EFCAB14: variants seen among roughly 807,000 people sequenced by gnomAD.
EFCAB14 encodes EF-hand calcium binding domain 14, also known as EF-hand calcium-binding domain-containing protein 14.
EFCAB14 carries 43 observed loss-of-function variants against 56.5 expected under a neutral mutation model. The observed-to-expected ratio is 0.76, with a 90% confidence interval of 0.60 to 0.98. The LOEUF is 0.98. Ranked by LOEUF, EFCAB14 falls within the 50% of genes least tolerant of loss-of-function variation. EFCAB14 has a pLI of 0.00. For synonymous variants in EFCAB14, 235 were observed against 212.9 expected (o/e 1.10, Z -0.90); for missense variants, 538 against 580.3 (o/e 0.93, Z 0.75).
At chr1:46,688,763 G>T (rs1676930711) in intron 6 of EFCAB14, among the ~76,000 whole-genome samples, 1 of 152,198 alleles carries the variant, frequency 6.6e-6, no homozygotes. Flanking sequence ...AAAGAGGGAA[G>T]AGGACTACCT....
chr1:46,714,409 G>A (rs1443024038), intron 2 of EFCAB14, among the ~76,000 whole-genome samples: 2 of 145,536 alleles, frequency 1.4e-5, no homozygotes, highest in African/African-American at 5.1e-5. Context: ...TAAACCTAGA[G>A]CCAAAAGTTT....
At position 46,716,317 on chromosome 1, in the gene EFCAB14, G is replaced by C. The variant is rs1242186551; in HGVS notation, c.312C>G (p.Ala104=). Residue 104 remains alanine, a synonymous_variant, in exon 2 of 11, where the codon GCC becomes GCG. Transcript: ENST00000371933. ...MQVALKEDLD[A]LKEKFRTMES... is the part of the protein sequence containing the mutation. ...TACTTGTTCGAAATTTTTCCTTGAG[G>C]GCATCCAGATCCTCCTTGAGAGCAA... 8.7e-6 allele frequency: 14 copies of C among 1,611,564 alleles called. No individual in the cohort carries two copies. Among genetic ancestry groups the C allele is most frequent in the South Asian group, 1.1e-5 (1 of 90,712 alleles).
At chr1:46,696,476 G>A in intron 4 of EFCAB14, 75 bp downstream of exon 4, 1 of 1,387,876 alleles carries the variant, frequency 7.2e-7, no homozygotes, top group Non-Finnish European at 1.0e-6. Context: ...CTTATAAGAA[G>A]CTAGAATTAT....
intron 4 of EFCAB14, among the ~76,000 whole-genome samples, chr1:46,694,514 C>T (rs1344210135): frequency 6.6e-6 from 1 of 152,194 alleles, no homozygotes; most frequent in African/African-American, 2.4e-5. Context: ...AAATGCAAAT[C>T]AAAACCACAA....
At chr1:46,698,158 A>G (rs1677103671) in intron 3 of EFCAB14, among the ~76,000 whole-genome samples, 1 of 152,160 alleles carries the variant, frequency 6.6e-6, no homozygotes, top group South Asian at 2.1e-4. Flanking sequence ...CGGCTATGCA[A>G]AGAATTTAAT....
chr1:46,691,053 T>A (rs1173435517), intron 5 of EFCAB14, among the ~76,000 whole-genome samples: 1 of 152,096 alleles, frequency 6.6e-6, no homozygotes, highest in Admixed American at 6.5e-5. Context: ...TCTTCATAAA[T>A]CCTTCACGGG....
At position 46,694,748 on chromosome 1, in the gene EFCAB14, A is replaced by C. The variant is rs142617614; in HGVS notation, c.579+1803T>G. 1.4e-3 allele frequency among the ~76,000 whole-genome samples: 219 copies of C among 152,324 alleles called. 2 individuals carry two copies. The East Asian group carries it at 0.041, about 28-fold the overall frequency. On this transcript the variant is annotated intron_variant, in intron 4 of 10. Transcript: ENST00000371933. ...ACTGGGTATATACCCAAAGGATTAT[A>C]AATCATGTTGCTATAAAGACACACG...
At position 46,683,349 on chromosome 1, in the gene EFCAB14, T is replaced by C. The variant is rs1307547030; in HGVS notation, c.1263A>G (p.Lys421=). The stretch of plus-strand genomic sequence containing the variant: ...GGGAGATAGGTCTTAGTTGGGCAGC[T>C]TTCTCAACTGGGTCTCCAAGAAACT... ...FSQFLGDPVE[K]AAQLRPISLP... is the part of the protein sequence containing the mutation. The change falls in exon 10 of 11, where the codon AAA becomes AAG. Residue 421 remains lysine (K), a synonymous_variant. Coordinates refer to ENST00000371933, the MANE Select transcript of EFCAB14 (RefSeq NM_014774.3). The C allele has an allele frequency of 1.2e-6, 2 of 1,614,004 alleles. No homozygotes were observed. The highest frequency in any genetic ancestry group is 2.7e-5 in the African/African-American group (2 of 74,936).
At chr1:46,687,022 G>A in intron 7 of EFCAB14, 152 bp from the exon 8 acceptor site, 3 of 671,802 alleles carry the variant, frequency 4.5e-6, no homozygotes, top group Non-Finnish European at 5.1e-6. Context: ...TGGGAGATGG[G>A]AGGAGAGAGG....
intron 1 of EFCAB14, among the ~76,000 whole-genome samples, chr1:46,717,209 C>T (rs1025811197): frequency 1.3e-5 from 2 of 152,182 alleles, no homozygotes; most frequent in Admixed American, 1.3e-4. Context: ...ATGTCAGCAC[C>T]CCGACCTTCT....
At chr1:46,708,340 T>C (rs1222088529) in intron 2 of EFCAB14, among the ~76,000 whole-genome samples, 1 of 152,204 alleles carries the variant, frequency 6.6e-6, no homozygotes, top group Non-Finnish European at 1.5e-5. Flanking sequence ...ACTATGATCT[T>C]GAGCAAATTA....
chr1:46,712,874 G>A (rs964192053), intron 2 of EFCAB14, among the ~76,000 whole-genome samples: 1 of 151,898 alleles, frequency 6.6e-6, no homozygotes, highest in Non-Finnish European at 1.5e-5. Flanking sequence ...TTAGCTGCAT[G>A]TGGTGGCATG....
chr1:46,690,521 A>AAAGGAGGAGAG (rs1676974462), intron 5 of EFCAB14, among the ~76,000 whole-genome samples: 1 of 152,214 alleles, frequency 6.6e-6, no homozygotes, highest in Admixed American at 6.5e-5. Context: ...AATAAAGAGA[A>AAAGGAGGAGAG]AAGGAGGAGA....
intron 10 of EFCAB14, among the ~76,000 whole-genome samples, chr1:46,682,619 AC>A (rs142191202): frequency 2.0e-5 from 3 of 152,292 alleles, no homozygotes; most frequent in Non-Finnish European, 4.4e-5. Context: ...AGAAAATGAG[AC>A]CATATCTTAT....
Position 46,699,454 on chromosome 1 carries a change from A to C in EFCAB14, c.481-2805T>G, listed in dbSNP as rs527594865. The stretch of plus-strand genomic sequence containing the variant: ...CAAGACTATAAGCTCCACATGATCA[A>C]GGACCATGTCTCTTTTACTTTCCAC... On this transcript the variant is annotated intron_variant, in intron 3 of 10. Transcript: ENST00000371933. Among the ~76,000 whole-genome samples, 145 of 152,338 alleles carry C rather than the reference A, an allele frequency of 9.5e-4. 1 individual carries two copies. The highest frequency in any genetic ancestry group is 3.3e-3 in the African/African-American group (136 of 41,568).
At chr1:46,717,593 A>G (rs979064638) in intron 1 of EFCAB14, among the ~76,000 whole-genome samples, 6 of 152,062 alleles carry the variant, frequency 3.9e-5, no homozygotes, top group Non-Finnish European at 5.9e-5. Flanking sequence ...CTAGTCCCCA[A>G]AGCTTCTCTG....
intron 2 of EFCAB14, among the ~76,000 whole-genome samples, chr1:46,711,471 C>A (rs1380747443): frequency 6.6e-6 from 1 of 152,122 alleles, no homozygotes; most frequent in Non-Finnish European, 1.5e-5. Flanking sequence ...AGCTGACCAG[C>A]CCTGAAAATA....
intron 8 of EFCAB14, among the ~76,000 whole-genome samples, 161 bp from the exon 9 acceptor site, chr1:46,684,763 T>C (rs1676852419): frequency 6.6e-6 from 1 of 152,246 alleles, no homozygotes; most frequent in African/African-American, 2.4e-5. Flanking sequence ...GTGATGTCTT[T>C]GGTCCTCAGC....
intron 3 of EFCAB14, among the ~76,000 whole-genome samples, chr1:46,706,289 G>T (rs894136500): frequency 1.3e-5 from 2 of 152,168 alleles, no homozygotes; most frequent in African/African-American, 4.8e-5. Flanking sequence ...TGCCTTCTCA[G>T]GTGCTTCTTG....
Sources: gnomAD v4.1 joint callset for allele counts (sites outside exome capture counted in the v4.1 genomes callset) on GRCh38, gnomAD v4.1.1 for gene constraint, MANE v1.5 for transcripts, NCBI Gene and HGNC (gene_info 2026-07-23, HGNC 2026-07-21) for gene names.